EDIL3: variants seen among roughly 807,000 people sequenced by gnomAD.
EDIL3 encodes EGF-like repeat and discoidin I-like domain-containing protein 3.
EDIL3 carries 37 observed loss-of-function variants against 67.4 expected under a neutral mutation model. That is an observed-to-expected ratio of 0.55 (90% CI 0.42 to 0.72). EDIL3 has a LOEUF of 0.72. EDIL3 is among the 30% of genes least tolerant of loss of function. EDIL3 has a pLI of 0.00. For synonymous variants in EDIL3, 195 were observed against 196.3 expected, an observed-to-expected ratio of 0.99 and a Z score of 0.05; for missense variants, 527 against 586.3, an observed-to-expected ratio of 0.90 and a Z score of 1.04.
chr5:84,004,921 A>G (rs1207926264), intron 9 of EDIL3, among the ~76,000 whole-genome samples: 3 of 152,088 alleles, frequency 2.0e-5, no homozygotes, highest in Admixed American at 2.0e-4. Context: ...AATAATAAAT[A>G]AGATTGATAA....
intron 1 of EDIL3, among the ~76,000 whole-genome samples, chr5:84,283,800 G>A (rs766584977): frequency 6.6e-6 from 1 of 151,884 alleles, no homozygotes; most frequent in African/African-American, 2.4e-5. Flanking sequence ...TTGCCCACCA[G>A]GTATCTTAAG....
chr5:84,148,568 G>T (rs1178467157), intron 4 of EDIL3, among the ~76,000 whole-genome samples: 2 of 152,190 alleles, frequency 1.3e-5, no homozygotes, highest in Non-Finnish European at 2.9e-5. Flanking sequence ...ATACAGAAAA[G>T]ACTCCTTTTT....
intron 2 of EDIL3, among the ~76,000 whole-genome samples, chr5:84,235,402 AT>A (rs1744659795): frequency 6.6e-6 from 1 of 152,190 alleles, no homozygotes; most frequent in South Asian, 2.1e-4. Flanking sequence ...AACATTTTAC[AT>A]GCATTGTGAT....
In EDIL3 at chr5:84,209,867, C is replaced by T. The variant is rs530303151; in HGVS notation, c.226+19988G>A. Among the ~76,000 whole-genome samples the T allele has an allele frequency of 2.0e-5, 3 of 152,238 alleles. No homozygotes were observed. The South Asian group carries it at 6.2e-4, about 32-fold the overall frequency. On this transcript the variant is annotated intron_variant, in intron 3 of 10. Coordinates refer to ENST00000296591, the MANE Select transcript of EDIL3 (RefSeq NM_005711.5). ...ATCTACTGGCATTTTCTGTTCTATC[C>T]ATTAAGTTACTAAACATGATGATTT...
At chr5:84,187,091 T>C (rs1743476954) in intron 3 of EDIL3, among the ~76,000 whole-genome samples, 1 of 152,086 alleles carries the variant, frequency 6.6e-6, no homozygotes, top group Admixed American at 6.6e-5. Flanking sequence ...TTAAAATCAA[T>C]AATGCTGTAA....
intron 1 of EDIL3, among the ~76,000 whole-genome samples, chr5:84,356,432 C>T (rs1259491562): frequency 2.6e-5 from 4 of 152,204 alleles, no homozygotes; most frequent in Non-Finnish European, 5.9e-5. Flanking sequence ...GAATCTGTTA[C>T]CTTGCCTTCA....
intron 1 of EDIL3, among the ~76,000 whole-genome samples, chr5:84,372,217 G>A (rs1311714765): frequency 1.3e-5 from 2 of 151,930 alleles, no homozygotes; most frequent in Admixed American, 6.6e-5. Context: ...TGAAAGGAAT[G>A]GCTTACAAGG....
chr5:83,983,604 G>A (rs1745008520), intron 9 of EDIL3, among the ~76,000 whole-genome samples: 1 of 152,154 alleles, frequency 6.6e-6, no homozygotes, highest in South Asian at 2.1e-4. Context: ...ACTTTGTCAG[G>A]AAAAGATAAA....
intron 1 of EDIL3, among the ~76,000 whole-genome samples, chr5:84,302,252 T>C (rs1746176723): frequency 6.6e-6 from 1 of 152,082 alleles, no homozygotes; most frequent in South Asian, 2.1e-4. Context: ...CATTCATAAC[T>C]AGATATGCTT....
intron 1 of EDIL3, among the ~76,000 whole-genome samples, chr5:84,353,537 T>G (rs763545247): frequency 6.6e-6 from 1 of 152,188 alleles, no homozygotes; most frequent in Non-Finnish European, 1.5e-5. Flanking sequence ...GGAACTTATC[T>G]TGAACGAAAA....
intron 6 of EDIL3, among the ~76,000 whole-genome samples, chr5:84,070,268 A>C (rs1746714233): frequency 6.6e-6 from 1 of 152,232 alleles, no homozygotes; most frequent in Non-Finnish European, 1.5e-5. Flanking sequence ...GACAAGGTAG[A>C]AGGTCTAATT....
chr5:84,307,184 A>G (rs1244703919), intron 1 of EDIL3, among the ~76,000 whole-genome samples: 2 of 152,218 alleles, frequency 1.3e-5, no homozygotes, highest in Non-Finnish European at 2.9e-5. Context: ...GGAGAGAAGT[A>G]GGGTTAGTCA....
At position 83,941,551 on chromosome 5, in the gene EDIL3, G is replaced by T. The variant is rs968983765; in HGVS notation, c.*1868C>A. The T allele has an allele frequency of 1.3e-5, 2 of 151,968 alleles. No individual in the cohort carries two copies. The highest frequency in any genetic ancestry group is 2.4e-5 in the African/African-American group (1 of 41,426). The allele number at this position is 151,968 out of a possible 1,614,324, so 9.4% of individuals were successfully genotyped here. ...AAGAAACTGGCTAAAGAGTAAGTGT[G>T]TGTATATTTCTGAACCTAAGTAATT... On this transcript the variant is annotated 3_prime_UTR_variant, in exon 11 of 11. Transcript: ENST00000296591.
At chr5:84,254,836 A>T (rs772199238) in intron 1 of EDIL3, among the ~76,000 whole-genome samples, 2 of 152,202 alleles carry the variant, frequency 1.3e-5, no homozygotes, top group African/African-American at 4.8e-5. Flanking sequence ...ATAACTTATG[A>T]CATAACAGAA....
chr5:84,110,127 C>T (rs373624177), intron 5 of EDIL3, among the ~76,000 whole-genome samples: 2 of 152,098 alleles, frequency 1.3e-5, no homozygotes, highest in East Asian at 3.9e-4. Context: ...ACAGGAAAAG[C>T]CCAATAAATA....
chr5:84,020,133 T>A (rs1453134420), intron 9 of EDIL3, among the ~76,000 whole-genome samples: 1 of 148,672 alleles, frequency 6.7e-6, no homozygotes, highest in African/African-American at 2.5e-5. Context: ...CTTATGCAAA[T>A]CCTCCAGCAT....
Position 84,285,396 on chromosome 5 carries a change from A to G in EDIL3, c.68-31184T>C, listed in dbSNP as rs191953152. Among the ~76,000 whole-genome samples the G allele has an allele frequency of 6.5e-3, 987 of 152,346 alleles. 6 individuals carry two copies. The highest frequency in any genetic ancestry group is 0.015 in the South Asian group (74 of 4,830). On this transcript the variant is annotated intron_variant, in intron 1 of 10. Coordinates refer to ENST00000296591, the MANE Select transcript of EDIL3 (RefSeq NM_005711.5). ...CATATTGATTTGCTAATCTGAAGCC[A>G]GTTGGGAGCTACAGTATCTCATATT...
chr5:84,255,904 A>T (rs1456217111), intron 1 of EDIL3, among the ~76,000 whole-genome samples: 2 of 152,188 alleles, frequency 1.3e-5, no homozygotes, highest in East Asian at 3.9e-4. Context: ...GAAAGTATAA[A>T]TATGTTAGAT....
chr5:84,303,892 A>G (rs1166600803), intron 1 of EDIL3, among the ~76,000 whole-genome samples: 1 of 149,238 alleles, frequency 6.7e-6, no homozygotes, highest in African/African-American at 2.5e-5. Flanking sequence ...ACATGTGTCT[A>G]TGAATAAGTA....
Sources: gnomAD v4.1 joint callset for allele counts (sites outside exome capture counted in the v4.1 genomes callset) on GRCh38, gnomAD v4.1.1 for gene constraint, MANE v1.5 for transcripts, NCBI Gene and HGNC (gene_info 2026-07-23, HGNC 2026-07-21) for gene names.